KCNK2: variants seen among roughly 807,000 people sequenced by gnomAD.
KCNK2 encodes potassium channel subfamily K member 2.
A neutral mutation model predicts 40.5 loss-of-function variants in KCNK2; 21 were observed. The observed-to-expected ratio is 0.52, with a 90% confidence interval of 0.37 to 0.75. The LOEUF (loss-of-function observed/expected upper bound fraction) is 0.75. Among genes scored for constraint, KCNK2 ranks in the 30% least tolerant of loss-of-function variants. KCNK2 has a pLI of 0.00. For missense variants in KCNK2, 399 were observed against 531.6 expected (o/e 0.75, Z 2.45); for synonymous variants, 191 against 202.2 (o/e 0.94, Z 0.47).
At chr1:215,209,996 A>T (rs1396867926) in intron 6 of KCNK2, among the ~76,000 whole-genome samples, 3 of 1,372 alleles carry the variant, frequency 2.2e-3, no homozygotes, top group Non-Finnish European at 3.7e-3. Context: ...ATAATATATA[A>T]TATATATTAT....
intron 3 of KCNK2, among the ~76,000 whole-genome samples, chr1:215,132,363 T>C (rs887180257): frequency 6.6e-6 from 1 of 152,220 alleles, no homozygotes; most frequent in South Asian, 2.1e-4. Context: ...TGCTAACTTA[T>C]TAACTTAGTA....
At chr1:215,216,646 G>A (rs926592777) in intron 6 of KCNK2, among the ~76,000 whole-genome samples, 1 of 134,798 alleles carries the variant, frequency 7.4e-6, no homozygotes. Flanking sequence ...AAAATAAACA[G>A]GTGAAATTAA....
chr1:215,018,998 CA>C (rs72095533), intron 1 of KCNK2, among the ~76,000 whole-genome samples: 80,446 of 138,756 alleles, frequency 0.58, 21,633 homozygotes, highest in East Asian at 0.71. Flanking sequence ...CACACACACA[CA>C]AAAAAAAAAC....
At chr1:215,026,537 CCCTGGA>C (rs1370573030) in intron 1 of KCNK2, among the ~76,000 whole-genome samples, 8 of 151,674 alleles carry the variant, frequency 5.3e-5, no homozygotes, top group Non-Finnish European at 1.0e-4. Flanking sequence ...ATTGAATAAC[CCCTGGA>C]CCAATATCCA....
chr1:215,167,972 T>C (rs1324497208), intron 3 of KCNK2, among the ~76,000 whole-genome samples: 1 of 152,084 alleles, frequency 6.6e-6, no homozygotes, highest in African/African-American at 2.4e-5. Flanking sequence ...AATCTACCCA[T>C]CTAACAAGTC....
chr1:215,070,123 G>A (rs1658694529), intron 1 of KCNK2, among the ~76,000 whole-genome samples: 1 of 152,018 alleles, frequency 6.6e-6, no homozygotes, highest in Non-Finnish European at 1.5e-5. Flanking sequence ...ATAGGAAACA[G>A]GTTTAGGTTG....
At chr1:215,020,676 ACAGCCTCT>A (rs377613059) in intron 1 of KCNK2, among the ~76,000 whole-genome samples, 132 of 152,086 alleles carry the variant, frequency 8.7e-4, no homozygotes, top group African/African-American at 2.8e-3. Context: ...TCCACCCACC[ACAGCCTCT>A]CAGTGTTAGG....
chr1:215,079,248 T>C (rs1468274211), upstream of KCNK2, among the ~76,000 whole-genome samples: 1 of 152,196 alleles, frequency 6.6e-6, no homozygotes, highest in African/African-American at 2.4e-5. Context: ...AGTGAATTAG[T>C]CCATTATTGC....
intron 3 of KCNK2, among the ~76,000 whole-genome samples, chr1:215,153,945 A>G (rs1212173241): frequency 6.6e-6 from 1 of 152,146 alleles, no homozygotes; most frequent in African/African-American, 2.4e-5. Context: ...TAATGGCTGC[A>G]TAGTTTCTAT....
Position 215,083,194 on chromosome 1 carries a change from T to TGCCCCCCCCCC in KCNK2, c.-192_-191insGCCCCCCCCCC. 1 of 501,814 alleles carries TGCCCCCCCCCC rather than the reference T, an allele frequency of 2.0e-6. No homozygotes were observed. Among genetic ancestry groups the TGCCCCCCCCCC allele is most frequent in the Non-Finnish European group, 3.3e-6 (1 of 301,554 alleles). 31.1% of individuals were successfully genotyped at this position (501,814 alleles called of 1,614,324 possible). A position where few individuals can be genotyped will look rare whatever the true frequency, so the allele number is the denominator to read the frequency against. On this transcript the variant is annotated 5_prime_UTR_variant, in exon 1 of 7. Coordinates refer to ENST00000444842, the MANE Select transcript of KCNK2 (RefSeq NM_001017425.3). ...CCCGCGATTTCGTTTCTTCTCACGC[T>TGCCCCCCCCCC]CCCCCCCCCGCCCCCTCCCGCGTCC...
chr1:215,015,739 T>C (rs1656564456), intron 1 of KCNK2, among the ~76,000 whole-genome samples: 1 of 152,144 alleles, frequency 6.6e-6, no homozygotes, highest in Non-Finnish European at 1.5e-5. Flanking sequence ...GGATCTTTAA[T>C]GTATTGAAGG....
intron 2 of KCNK2, among the ~76,000 whole-genome samples, chr1:215,105,714 A>G (rs942013485): frequency 3.3e-5 from 5 of 152,018 alleles, no homozygotes; most frequent in Admixed American, 3.3e-4. Context: ...ATAGTACCCA[A>G]TAGTTTTTTA....
At chr1:215,024,770 C>G (rs1656934552) in intron 1 of KCNK2, among the ~76,000 whole-genome samples, 1 of 152,108 alleles carries the variant, frequency 6.6e-6, no homozygotes, top group Non-Finnish European at 1.5e-5. Flanking sequence ...AGGTACTTAT[C>G]AAACATGTTT....
intron 1 of KCNK2, among the ~76,000 whole-genome samples, chr1:215,049,031 G>A (rs1657884928): frequency 6.6e-6 from 1 of 152,006 alleles, no homozygotes; most frequent in African/African-American, 2.4e-5. Context: ...GCAATTGCTG[G>A]GTCTTAGGAT....
intron 3 of KCNK2, among the ~76,000 whole-genome samples, chr1:215,155,758 A>G (rs1027080497): frequency 1.3e-5 from 2 of 152,040 alleles, no homozygotes; most frequent in Non-Finnish European, 2.9e-5. Context: ...TGACCTTATG[A>G]TCCACCCGCC....
At chr1:215,057,104 C>T (rs1003198347) in intron 1 of KCNK2, among the ~76,000 whole-genome samples, 2 of 152,046 alleles carry the variant, frequency 1.3e-5, no homozygotes, top group Non-Finnish European at 2.9e-5. Context: ...TAAACCTGCC[C>T]CTAGCCATTT....
chr1:215,104,377 C>T (rs1660347335), intron 2 of KCNK2, among the ~76,000 whole-genome samples: 2 of 152,010 alleles, frequency 1.3e-5, no homozygotes, highest in Non-Finnish European at 2.9e-5. Flanking sequence ...TCAGAGCTAG[C>T]TATTCCAGCA....
chr1:215,113,307 A>G (rs548009033), intron 2 of KCNK2, among the ~76,000 whole-genome samples: 4 of 152,306 alleles, frequency 2.6e-5, no homozygotes, highest in African/African-American at 9.6e-5. Flanking sequence ...AAGGTGAGGC[A>G]ACCAAAGCAG....
intron 1 of KCNK2, among the ~76,000 whole-genome samples, chr1:215,017,338 A>T (rs2601616): frequency 6.6e-6 from 1 of 151,892 alleles, no homozygotes. Flanking sequence ...TTAAATCAAC[A>T]TAAGTGTCCA....
Sources: gnomAD v4.1 joint callset for allele counts (sites outside exome capture counted in the v4.1 genomes callset) on GRCh38, gnomAD v4.1.1 for gene constraint, MANE v1.5 for transcripts, NCBI Gene and HGNC (gene_info 2026-07-23, HGNC 2026-07-21) for gene names.